PDE10A: variants seen among roughly 807,000 people sequenced by gnomAD.
The protein encoded by PDE10A is phosphodiesterase 10A.
PDE10A carries 39 observed loss-of-function variants against 97.7 expected under a neutral mutation model. The ratio of observed to expected loss-of-function variants is 0.40; its 90% CI spans 0.31 to 0.52. The LOEUF (loss-of-function observed/expected upper bound fraction) is 0.52. Among genes scored for constraint, PDE10A ranks in the 20% least tolerant of loss-of-function variants. PDE10A has a pLI of 0.56. For synonymous variants in PDE10A, 371 were observed against 376.8 expected (o/e 0.98, Z 0.18); for missense variants, 731 against 1,047.8 (o/e 0.70, Z 4.17).
chr6:165,699,802 T>C (rs12663799), intron 1 of PDE10A, among the ~76,000 whole-genome samples: 1 of 151,966 alleles, frequency 6.6e-6, no homozygotes, highest in Non-Finnish European at 1.5e-5. Flanking sequence ...AGACATAGCA[T>C]ACCAAAACTT....
At chr6:165,396,536 T>C in intron 13 of PDE10A, 77 bp from the exon 14 acceptor site, 4 of 1,427,702 alleles carry the variant, frequency 2.8e-6, no homozygotes, top group Non-Finnish European at 3.8e-6. Flanking sequence ...AGTTCAGAAT[T>C]TGGTATTAAA....
chr6:165,886,393 C>T (rs1781634305), intron 1 of PDE10A, among the ~76,000 whole-genome samples: 1 of 151,764 alleles, frequency 6.6e-6, no homozygotes, highest in Non-Finnish European at 1.5e-5. Flanking sequence ...GCCAGAAGCC[C>T]TGGAGCCCTG....
In PDE10A at chr6:165,594,729, T is replaced by C. The variant is rs78252691; in HGVS notation, c.866-51161A>G. Among the ~76,000 whole-genome samples the C allele has an allele frequency of 2.6e-5, 4 of 152,176 alleles. No individual in the cohort carries two copies. The East Asian group carries it at 5.8e-4, about 22-fold the overall frequency. ...AAAGTATCGTTCCATGGATTACTCA[T>C]CACAAAGGAGAAATGATACCTTTAT... On this transcript the variant is annotated intron_variant, in intron 1 of 21. Coordinates refer to ENST00000539869, the MANE Select transcript of PDE10A (RefSeq NM_001385079.1).
At chr6:165,536,375 G>T (rs1168525703) in intron 2 of PDE10A, among the ~76,000 whole-genome samples, 2 of 151,882 alleles carry the variant, frequency 1.3e-5, no homozygotes, top group African/African-American at 4.8e-5. Flanking sequence ...AAACATTGGG[G>T]AAATGCAACA....
rs377186042 is a variant in PDE10A at position 165,907,896 on chromosome 6, ACAGGCTT to A, written c.-615+79626_-615+79632del. ...AAATTGTAGTCAGCTCTTAGAGAGA[ACAGGCTT>A]CAGTCATTGCTACCTAAACCAACAA... On this transcript the variant is annotated intron_variant, in intron 1 of 19. Transcript: ENST00000366882. Among the ~76,000 whole-genome samples, 536 of 152,352 alleles carry A rather than the reference ACAGGCTT, an allele frequency of 3.5e-3. 1 individual carries two copies. Among genetic ancestry groups the A allele is most frequent in the African/African-American group, 0.012 (496 of 41,588 alleles).
intron 13 of PDE10A, among the ~76,000 whole-genome samples, chr6:165,401,529 C>T (rs220784): frequency 0.75 from 114,074 of 152,214 alleles, 44,007 homozygotes; most frequent in African/African-American, 0.91. Context: ...CTGTACCAAG[C>T]ATTTTGCTGC....
intron 1 of PDE10A, among the ~76,000 whole-genome samples, chr6:165,772,445 C>A (rs1778038537): frequency 6.6e-6 from 1 of 152,174 alleles, no homozygotes; most frequent in Non-Finnish European, 1.5e-5. Flanking sequence ...ACATCGCCTC[C>A]AATGTTCTCC....
At position 165,543,546 on chromosome 6, in the gene PDE10A, C is replaced by T. The variant is rs546099001; in HGVS notation, c.888G>A (p.Lys296=). ...CCTGGGGGTGAAGAGAAAGATATGC[C>T]TTCACTTTTTCATCTGTCAAACCTG... ...LSPSLTDEKV[K]AYLSLHPQVL... The change falls in exon 2 of 22, where the codon AAG becomes AAA. Residue 296 remains lysine (K), a synonymous_variant. Transcript: ENST00000539869. 1.2e-5 allele frequency: 19 copies of T among 1,610,728 alleles called. No individual in the cohort carries two copies. The highest frequency in any genetic ancestry group is 4.4e-5 in the South Asian group (4 of 90,612).
chr6:165,594,392 A>T (rs1341070641), intron 1 of PDE10A, among the ~76,000 whole-genome samples: 2 of 152,230 alleles, frequency 1.3e-5, no homozygotes, highest in African/African-American at 4.8e-5. Context: ...AATAATAAAT[A>T]CAGCAATAGA....
At chr6:165,486,222 G>C (rs1190492041) in intron 2 of PDE10A, among the ~76,000 whole-genome samples, 3 of 152,202 alleles carry the variant, frequency 2.0e-5, no homozygotes, top group Non-Finnish European at 4.4e-5. Flanking sequence ...ATGTGCATGA[G>C]GATATGTTAT....
chr6:165,736,217 G>A (rs1347075099), intron 1 of PDE10A, among the ~76,000 whole-genome samples: 1 of 152,132 alleles, frequency 6.6e-6, no homozygotes, highest in African/African-American at 2.4e-5. Flanking sequence ...TGTAAAAAGG[G>A]AACATTATGA....
At chr6:165,965,546 C>T (rs928072297) in intron 1 of PDE10A, among the ~76,000 whole-genome samples, 1 of 152,142 alleles carries the variant, frequency 6.6e-6, no homozygotes, top group African/African-American at 2.4e-5. Context: ...GGATTTGATA[C>T]CCTACAACTT....
intron 1 of PDE10A, among the ~76,000 whole-genome samples, chr6:165,657,488 AT>A (rs1431723041): frequency 6.6e-6 from 1 of 152,282 alleles, no homozygotes; most frequent in Non-Finnish European, 1.5e-5. Flanking sequence ...ACAAACAAAA[AT>A]TAACAATGTA....
chr6:165,429,166 A>G (rs1447236011), intron 9 of PDE10A, among the ~76,000 whole-genome samples: 1 of 152,130 alleles, frequency 6.6e-6, no homozygotes, highest in East Asian at 1.9e-4. Flanking sequence ...CTGAGAAAGT[A>G]ATGTAATTAA....
chr6:165,431,234 G>T (rs1009039261), intron 8 of PDE10A, among the ~76,000 whole-genome samples, 188 bp downstream of exon 8: 2 of 150,896 alleles, frequency 1.3e-5, no homozygotes, highest in Non-Finnish European at 3.0e-5. Context: ...CACATATATT[G>T]CAAAATATTT....
At chr6:165,560,396 G>A (rs2128337129) in intron 1 of PDE10A, among the ~76,000 whole-genome samples, 1 of 152,310 alleles carries the variant, frequency 6.6e-6, no homozygotes, top group East Asian at 1.9e-4. Flanking sequence ...GTTTGGGAGT[G>A]GAGCTTTCCC....
chr6:165,572,601 A>C (rs537940713), intron 1 of PDE10A, among the ~76,000 whole-genome samples: 22 of 152,354 alleles, frequency 1.4e-4, no homozygotes, highest in Non-Finnish European at 2.9e-4. Context: ...AAAAATGTAA[A>C]CATTAAATAG....
At chr6:165,766,200 A>C (rs1302639710) in intron 1 of PDE10A, among the ~76,000 whole-genome samples, 1 of 152,240 alleles carries the variant, frequency 6.6e-6, no homozygotes, top group Non-Finnish European at 1.5e-5. Context: ...TAGGATGATC[A>C]GAACCATGAG....
At chr6:165,336,913 G>A (rs1406896336) in intron 20 of PDE10A, among the ~76,000 whole-genome samples, 1 of 152,024 alleles carries the variant, frequency 6.6e-6, no homozygotes, top group Non-Finnish European at 1.5e-5. Flanking sequence ...CGTAAAGCCT[G>A]CTATTCTTTC....
Sources: allele counts gnomAD v4.1 joint callset (sites outside exome capture counted in the v4.1 genomes callset), GRCh38; gene constraint gnomAD v4.1.1; transcripts MANE v1.5; gene names NCBI Gene and HGNC (gene_info 2026-07-23, HGNC 2026-07-21).